Variants in ERBB4 observed in about 807,000 individuals in gnomAD.
ERBB4 encodes the protein receptor tyrosine-protein kinase erbB-4.
Under a neutral mutation model 158.0 loss-of-function variants are expected in ERBB4, and 42 were observed. The ratio of observed to expected loss-of-function variants is 0.27; its 90% CI spans 0.21 to 0.34. The LOEUF (loss-of-function observed/expected upper bound fraction) is 0.34. ERBB4 is among the 10% of genes least tolerant of loss of function. The pLI, the probability that ERBB4 is intolerant of heterozygous loss-of-function variation, is 1.00. For missense variants in ERBB4, 1,333 were observed against 1,624.1 expected, an observed-to-expected ratio of 0.82 and a Z score of 3.08; for synonymous variants, 583 against 558.7, an observed-to-expected ratio of 1.04 and a Z score of -0.61.
At chr2:211,784,127 C>T (rs1471696719) in intron 4 of ERBB4, among the ~76,000 whole-genome samples, 1 of 152,132 alleles carries the variant, frequency 6.6e-6, no homozygotes, top group African/African-American at 2.4e-5. Context: ...ATAATATTTA[C>T]CATCTTAACC....
intron 3 of ERBB4, among the ~76,000 whole-genome samples, chr2:211,790,563 C>T (rs551562144): frequency 2.0e-5 from 3 of 152,018 alleles, no homozygotes; most frequent in East Asian, 1.9e-4. Context: ...ATAGTCTGTT[C>T]GAGAGCTTGG....
At chr2:211,561,333 C>T (rs1041188549) in intron 20 of ERBB4, among the ~76,000 whole-genome samples, 1 of 152,150 alleles carries the variant, frequency 6.6e-6, no homozygotes, top group African/African-American at 2.4e-5. Flanking sequence ...CTAGTAAATG[C>T]TCTCTGTAAC....
chr2:212,016,451 T>C (rs1046336284), intron 2 of ERBB4, among the ~76,000 whole-genome samples: 11 of 152,178 alleles, frequency 7.2e-5, no homozygotes, highest in African/African-American at 2.7e-4. Flanking sequence ...TTCTGTAACA[T>C]ATTCATATCT....
intron 14 of ERBB4, among the ~76,000 whole-genome samples, chr2:211,667,170 G>A (rs1295230988): frequency 7.4e-6 from 1 of 134,750 alleles, no homozygotes; most frequent in Non-Finnish European, 1.5e-5. Flanking sequence ...CACACTCAAA[G>A]CTGTCCTGGG....
intron 2 of ERBB4, among the ~76,000 whole-genome samples, chr2:212,000,453 A>T (rs1480468372): frequency 6.6e-6 from 1 of 151,882 alleles, no homozygotes; most frequent in East Asian, 1.9e-4. Context: ...GGTGAAAACA[A>T]TGTAAGAAAG....
At chr2:211,983,614 A>T (rs574841350) in intron 2 of ERBB4, among the ~76,000 whole-genome samples, 1 of 152,320 alleles carries the variant, frequency 6.6e-6, no homozygotes, top group East Asian at 1.9e-4. Flanking sequence ...CTACCTATCA[A>T]TCTATAAAGT....
intron 1 of ERBB4, among the ~76,000 whole-genome samples, chr2:212,390,186 C>T (rs1464157655): frequency 2.0e-5 from 3 of 151,750 alleles, no homozygotes; most frequent in Non-Finnish European, 4.4e-5. Flanking sequence ...TAAAACATAT[C>T]TAAAATGTAG....
At chr2:212,058,127 A>T (rs2077639302) in intron 2 of ERBB4, among the ~76,000 whole-genome samples, 1 of 152,228 alleles carries the variant, frequency 6.6e-6, no homozygotes, top group Admixed American at 6.5e-5. Flanking sequence ...GATCCCACAG[A>T]AATACAAACT....
At chr2:212,455,182 G>C (rs1029536918) in intron 1 of ERBB4, among the ~76,000 whole-genome samples, 1 of 127,528 alleles carries the variant, frequency 7.8e-6, no homozygotes, top group African/African-American at 2.5e-5. Flanking sequence ...TTGTTTACAT[G>C]ATGCTATTTT....
At chr2:212,443,654 C>G (rs980883373) in intron 1 of ERBB4, among the ~76,000 whole-genome samples, 2 of 152,244 alleles carry the variant, frequency 1.3e-5, no homozygotes, top group Non-Finnish European at 2.9e-5. Context: ...CAGGTCCAGG[C>G]TGCTGTGCAA....
chr2:212,368,777 A>G (rs1392278594), intron 1 of ERBB4, among the ~76,000 whole-genome samples: 1 of 152,098 alleles, frequency 6.6e-6, no homozygotes, highest in Non-Finnish European at 1.5e-5. Flanking sequence ...ATTCTTGGTA[A>G]TCATAACCAA....
At chr2:212,255,750 G>A (rs2084706288) in intron 1 of ERBB4, among the ~76,000 whole-genome samples, 2 of 152,090 alleles carry the variant, frequency 1.3e-5, no homozygotes, top group Admixed American at 6.6e-5. Flanking sequence ...ATTTTTGGAC[G>A]TGGGATGCTA....
intron 4 of ERBB4, among the ~76,000 whole-genome samples, chr2:211,762,249 G>A (rs1303714859): frequency 3.3e-5 from 5 of 152,220 alleles, no homozygotes; most frequent in African/African-American, 1.2e-4. Context: ...AGGTACCACA[G>A]GTCAAGCAAT....
chr2:212,318,768 T>C (rs2087416778), intron 1 of ERBB4, among the ~76,000 whole-genome samples: 1 of 151,624 alleles, frequency 6.6e-6, no homozygotes, highest in Non-Finnish European at 1.5e-5. Flanking sequence ...GTGGTTTTGC[T>C]TAAAAGGCTT....
chr2:211,598,952 C>T (rs985138160), intron 19 of ERBB4, among the ~76,000 whole-genome samples: 5 of 152,198 alleles, frequency 3.3e-5, no homozygotes, highest in Admixed American at 6.5e-5. Context: ...CCATCATTTA[C>T]TTGCTGTGGG....
intron 1 of ERBB4, among the ~76,000 whole-genome samples, chr2:212,226,892 G>A (rs2083490008): frequency 6.6e-6 from 1 of 152,074 alleles, no homozygotes; most frequent in Non-Finnish European, 1.5e-5. Flanking sequence ...GCTATTTGTG[G>A]ATTTCCATTA....
At chr2:211,889,222 C>T (rs2078896165) in intron 3 of ERBB4, among the ~76,000 whole-genome samples, 1 of 145,032 alleles carries the variant, frequency 6.9e-6, no homozygotes, top group African/African-American at 2.7e-5. Flanking sequence ...AGACTGCCTC[C>T]TCAAGTGGGT....
intron 20 of ERBB4, among the ~76,000 whole-genome samples, chr2:211,491,569 T>C (rs1285305836): frequency 6.6e-6 from 1 of 152,080 alleles, no homozygotes; most frequent in Non-Finnish European, 1.5e-5. Flanking sequence ...CATCATTAAA[T>C]ATTGATTGAA....
At chr2:212,180,862 T>C (rs1301432340) in intron 1 of ERBB4, among the ~76,000 whole-genome samples, 1 of 151,716 alleles carries the variant, frequency 6.6e-6, no homozygotes, top group Non-Finnish European at 1.5e-5. Flanking sequence ...CAAGTAGTTA[T>C]GGCCAGTTAA....
Sources: allele counts gnomAD v4.1 joint callset (sites outside exome capture counted in the v4.1 genomes callset), GRCh38; gene constraint gnomAD v4.1.1; transcripts MANE v1.5; gene names NCBI Gene and HGNC (gene_info 2026-07-23, HGNC 2026-07-21).